The following CFAP57 variants were observed in gnomAD, a reference collection of about 807,000 sequenced individuals.
CFAP57 encodes cilia- and flagella-associated protein 57.
Under a neutral mutation model 146.8 loss-of-function variants are expected in CFAP57, and 116 were observed. That is an observed-to-expected ratio of 0.79 (90% confidence interval 0.68 to 0.92). The LOEUF (loss-of-function observed/expected upper bound fraction) is 0.92, where lower values mean the gene tolerates loss of function less well. CFAP57 is among the 40% of genes least tolerant of loss of function. The pLI, the probability that CFAP57 is intolerant of heterozygous loss-of-function variation, is 0.00. For missense variants in CFAP57, 1,377 were observed against 1,527.2 expected (o/e 0.90, Z 1.64); for synonymous variants, 518 against 552.8 (o/e 0.94, Z 0.88).
At chr1:43,235,053 C>T (rs1183017831) in intron 21 of CFAP57, among the ~76,000 whole-genome samples, 1 of 152,126 alleles carries the variant, frequency 6.6e-6, no homozygotes, top group Non-Finnish European at 1.5e-5. Context: ...TCTTCCATTC[C>T]CAACTCTCAT....
intron 22 of CFAP57, among the ~76,000 whole-genome samples, chr1:43,245,558 G>A (rs189506290): frequency 1.3e-5 from 2 of 151,648 alleles, no homozygotes; most frequent in South Asian, 4.2e-4. Context: ...CCCCCACCCC[G>A]ACCCAGAAGC....
chr1:43,174,546 G>A (rs1030860681), intron 2 of CFAP57, among the ~76,000 whole-genome samples: 3 of 152,142 alleles, frequency 2.0e-5, no homozygotes, highest in South Asian at 2.1e-4. Context: ...GGCCAGGTGT[G>A]GTGGCTCATG....
chr1:43,195,532 G>GA lies in CFAP57; in HGVS notation c.1123-2008dup, dbSNP rs1161812804. ...GAGACTCCATCTCAAAAGAAAAAAAGAAAAAAAAAAAAACATGGACAAAGA... is the reference window on the plus strand; with the variant it reads ...GAGACTCCATCTCAAAAGAAAAAAAGAAAAAAAAAAAAAACATGGACAAAGA... On this transcript the variant is annotated intron_variant, in intron 6 of 22. Coordinates refer to ENST00000372492, the MANE Select transcript of CFAP57 (RefSeq NM_001378189.1). Among the ~76,000 whole-genome samples the GA allele has an allele frequency of 6.2e-3, 819 of 131,534 alleles. 4 individuals carry two copies. The highest frequency in any genetic ancestry group is 8.0e-3 in the African/African-American group (290 of 36,086). 86.3% of individuals were successfully genotyped at this position (131,534 alleles called of 152,430 possible). A position where few individuals can be genotyped will look rare whatever the true frequency, so the allele number is the denominator to read the frequency against.
intron 22 of CFAP57, among the ~76,000 whole-genome samples, chr1:43,248,435 A>G (rs1324555870): frequency 1.3e-5 from 2 of 149,188 alleles, no homozygotes; most frequent in Non-Finnish European, 1.5e-5. Flanking sequence ...CTCCTGCCTC[A>G]GCCTCCCTCG....
chr1:43,246,909 G>A (rs990500356), intron 22 of CFAP57, among the ~76,000 whole-genome samples: 4 of 152,130 alleles, frequency 2.6e-5, no homozygotes, highest in African/African-American at 9.7e-5. Flanking sequence ...ATTAGTTTGA[G>A]AGAAATTCTA....
rs549965699 is a variant in CFAP57 at position 43,199,584 on chromosome 1, A to G, written c.1542+81A>G. ...CAGCCAGTGGGATACAGGTGAACAA[A>G]AGAGAGATGGTTCCTTTCCTCATGG... On this transcript the variant is annotated intron_variant, in intron 9 of 22. Transcript: ENST00000372492. 1.2e-4 allele frequency: 146 copies of G among 1,203,642 alleles called. No homozygotes were observed. In the African/African-American group the frequency reaches 1.8e-3, roughly 15 times the overall value. 74.6% of individuals were successfully genotyped at this position (1,203,642 alleles called of 1,614,324 possible).
chr1:43,206,765 G>T lies in CFAP57; in HGVS notation c.1588G>T (p.Gly530Cys), dbSNP rs751497145. 6.2e-7 allele frequency: 1 copy of T among 1,614,076 alleles called. No homozygotes were observed. Among genetic ancestry groups the T allele is most frequent in the East Asian group, 2.2e-5 (1 of 44,868 alleles). ...WNADDSKLIS[G>C]GTDGAVYEWN... Reference sequence around the variant, plus strand: ...TGCAGATGATAGCAAACTGATTTCTGGTGGCACAGATGGTGCTGTGTATGA... The same window carrying T: ...TGCAGATGATAGCAAACTGATTTCTTGTGGCACAGATGGTGCTGTGTATGA... The change falls in exon 10 of 23, where the codon GGT (glycine) becomes TGT (cysteine). Residue 530 changes from glycine (G) to cysteine (C), a missense_variant. Physicochemically the swap from Gly to Cys is radical, Grantham distance 159. Coordinates refer to ENST00000372492, the MANE Select transcript of CFAP57 (RefSeq NM_001378189.1).
intron 22 of CFAP57, among the ~76,000 whole-genome samples, chr1:43,244,639 T>A (rs1646045235): frequency 6.6e-6 from 1 of 152,104 alleles, no homozygotes; most frequent in Non-Finnish European, 1.5e-5. Context: ...GTGCGGTGGC[T>A]CACATCTGTA....
At chr1:43,225,546 C>T (rs565813083) in intron 17 of CFAP57, among the ~76,000 whole-genome samples, 1 of 152,180 alleles carries the variant, frequency 6.6e-6, no homozygotes, top group East Asian at 1.9e-4. Flanking sequence ...ACTCTTTCCC[C>T]CAACATGAAG....
intron 21 of CFAP57, among the ~76,000 whole-genome samples, chr1:43,235,010 C>A (rs1389397590): frequency 6.6e-6 from 1 of 152,166 alleles, no homozygotes; most frequent in African/African-American, 2.4e-5. Flanking sequence ...TCATCCACAT[C>A]ATCTTACCTC....
At chr1:43,192,667 G>C (rs1414593885) in intron 6 of CFAP57, among the ~76,000 whole-genome samples, 2 of 151,672 alleles carry the variant, frequency 1.3e-5, no homozygotes, top group African/African-American at 4.9e-5. Flanking sequence ...GCTCACACCT[G>C]TAATCCTAGC....
At chr1:43,186,910 G>A (rs1643166698) in intron 6 of CFAP57, 51 bp downstream of exon 6, 1 of 1,610,006 alleles carries the variant, frequency 6.2e-7, no homozygotes, top group African/African-American at 1.3e-5. Flanking sequence ...TCTGCCTGCT[G>A]GGGGACTAGT....
chr1:43,193,028 A>C (rs1643642973), intron 6 of CFAP57, among the ~76,000 whole-genome samples: 1 of 152,146 alleles, frequency 6.6e-6, no homozygotes, highest in Non-Finnish European at 1.5e-5. Context: ...TTTTTACTTT[A>C]TACATTTGGG....
At chr1:43,186,168 G>T (rs556431275) in intron 5 of CFAP57, among the ~76,000 whole-genome samples, 20 of 152,192 alleles carry the variant, frequency 1.3e-4, no homozygotes, top group Admixed American at 1.0e-3. Flanking sequence ...CTTGAGCCTG[G>T]CAGGTGGAAG....
chr1:43,195,956 T>G (rs1643853058), intron 6 of CFAP57, among the ~76,000 whole-genome samples: 1 of 151,994 alleles, frequency 6.6e-6, no homozygotes, highest in African/African-American at 2.4e-5. Context: ...AGATACAAAA[T>G]GAAAACAAAG....
At chr1:43,246,351 T>C (rs1334113610) in intron 22 of CFAP57, among the ~76,000 whole-genome samples, 2 of 152,128 alleles carry the variant, frequency 1.3e-5, no homozygotes, top group Admixed American at 1.3e-4. Context: ...AAATAGAATA[T>C]AGAGGCCAGA....
intron 10 of CFAP57, among the ~76,000 whole-genome samples, chr1:43,209,376 C>A (rs1170888320): frequency 6.6e-6 from 1 of 152,178 alleles, no homozygotes; most frequent in Non-Finnish European, 1.5e-5. Flanking sequence ...ACAGATGGTC[C>A]GTCATCCATA....
In CFAP57 at chr1:43,227,133, A is replaced by C; in HGVS notation, c.3009+7A>C. 1 of 1,524,252 alleles carries C rather than the reference A, an allele frequency of 6.6e-7. No homozygotes were observed. Among genetic ancestry groups the C allele is most frequent in the Non-Finnish European group, 8.8e-7 (1 of 1,136,210 alleles). 94.4% of individuals were successfully genotyped at this position (1,524,252 alleles called of 1,614,324 possible). A position where few individuals can be genotyped will look rare whatever the true frequency, so the allele number is the denominator to read the frequency against. The stretch of plus-strand genomic sequence containing the variant: ...GAAGGAACAGATTCAGGAGGTAAGA[A>C]GCCATTTGCAACACTCTGGCCTCTC... On this transcript the variant is annotated splice_region_variant and intron_variant, in intron 18 of 22. Transcript: ENST00000372492.
rs28378603 is a variant in CFAP57, at chr1:43,197,589, T to C, written c.1159T>C (p.Leu387=). 1.2e-6 allele frequency: 2 copies of C among 1,614,098 alleles called. No individual in the cohort carries two copies. Among genetic ancestry groups the C allele is most frequent in the African/African-American group, 2.7e-5 (2 of 74,988 alleles). ...PAHFEYLMYP[L]HSAPITGLAT... ...TCACTTTGAGTATTTGATGTATCCATTGCACTCAGCACCCATCACCGGTCT... is the reference window on the plus strand; with the variant it reads ...TCACTTTGAGTATTTGATGTATCCACTGCACTCAGCACCCATCACCGGTCT... The change falls in exon 7 of 23, where the codon TTG becomes CTG. Residue 387 remains leucine (L), a synonymous_variant. Coordinates refer to ENST00000372492, the MANE Select transcript of CFAP57 (RefSeq NM_001378189.1).
Sources: gnomAD v4.1 joint callset for allele counts (sites outside exome capture counted in the v4.1 genomes callset) on GRCh38, gnomAD v4.1.1 for gene constraint, MANE v1.5 for transcripts, NCBI Gene and HGNC (gene_info 2026-07-23, HGNC 2026-07-21) for gene names.